Variants in TAFA2 observed in about 807,000 individuals in gnomAD.
TAFA2 encodes the protein chemokine-like protein TAFA-2.
A neutral mutation model predicts 18.8 loss-of-function variants in TAFA2; 7 were observed. The observed-to-expected ratio is 0.37, with a 90% confidence interval of 0.21 to 0.70. TAFA2 has a LOEUF of 0.70. Ranked by LOEUF, TAFA2 falls within the 30% of genes least tolerant of loss-of-function variation. TAFA2 has a pLI of 0.53. For missense variants in TAFA2, 122 were observed against 158.1 expected, an observed-to-expected ratio of 0.77 and a Z score of 1.23; for synonymous variants, 60 against 54.2, an observed-to-expected ratio of 1.11 and a Z score of -0.47.
chr12:61,942,294 C>T (rs1247557509), intron 1 of TAFA2, among the ~76,000 whole-genome samples: 2 of 146,896 alleles, frequency 1.4e-5, no homozygotes, highest in African/African-American at 2.6e-5. Context: ...ACACCGAAAA[C>T]CCATCTGTAC....
At chr12:61,826,997 T>C (rs1872557048) in intron 2 of TAFA2, among the ~76,000 whole-genome samples, 1 of 152,044 alleles carries the variant, frequency 6.6e-6, no homozygotes. Context: ...CCTTCTATAA[T>C]AATAGAACTT....
chr12:62,075,753 T>C (rs563483787), intron 1 of TAFA2, among the ~76,000 whole-genome samples: 2 of 152,314 alleles, frequency 1.3e-5, no homozygotes, highest in Middle Eastern at 3.4e-3. Context: ...TTTTTACTCT[T>C]GCAGACTTAT....
intron 1 of TAFA2, among the ~76,000 whole-genome samples, chr12:62,004,985 C>T (rs764014621): frequency 6.6e-6 from 1 of 151,864 alleles, no homozygotes; most frequent in Non-Finnish European, 1.5e-5. Flanking sequence ...AAGTCAAATA[C>T]ATAAAAACAG....
chr12:61,876,810 A>C (rs971583242), intron 1 of TAFA2, among the ~76,000 whole-genome samples: 1 of 152,048 alleles, frequency 6.6e-6, no homozygotes, highest in African/African-American at 2.4e-5. Context: ...AATCAACTTC[A>C]CTTGAATTCA....
chr12:62,189,484 AAAGT>A (rs1425211744), intron 1 of TAFA2, among the ~76,000 whole-genome samples: 2 of 152,226 alleles, frequency 1.3e-5, no homozygotes, highest in African/African-American at 4.8e-5. Flanking sequence ...AAAACAAAAT[AAAGT>A]AAGGAAAGAG....
chr12:61,720,776 C>T (rs566223658), intron 4 of TAFA2: 191 of 397,090 alleles, frequency 4.8e-4, no homozygotes, highest in South Asian at 2.8e-3. Context: ...CCTTAGAATC[C>T]GACCAACACT....
intron 2 of TAFA2, among the ~76,000 whole-genome samples, chr12:61,777,723 TGAGAAAAATCA>T (rs1870328189): frequency 6.6e-6 from 1 of 151,638 alleles, no homozygotes; most frequent in Admixed American, 6.6e-5. Flanking sequence ...ACTTGTAAAA[TGAGAAAAATCA>T]GAGAAAAATA....
chr12:62,051,265 C>T (rs1262695687), intron 1 of TAFA2, among the ~76,000 whole-genome samples: 4 of 152,186 alleles, frequency 2.6e-5, no homozygotes, highest in African/African-American at 9.6e-5. Flanking sequence ...TACTCCTCCT[C>T]CTCCTGCCTG....
intron 2 of TAFA2, among the ~76,000 whole-genome samples, chr12:61,758,044 A>C (rs535217488): frequency 6.6e-6 from 1 of 152,200 alleles, no homozygotes; most frequent in Admixed American, 6.6e-5. Flanking sequence ...TGAGTCATGT[A>C]TAAAGTGTTT....
intron 1 of TAFA2, among the ~76,000 whole-genome samples, chr12:62,188,990 C>A (rs940704598): frequency 3.3e-5 from 5 of 152,092 alleles, no homozygotes; most frequent in Non-Finnish European, 7.4e-5. Context: ...TAATATTTTT[C>A]TAATGCAATA....
chr12:61,836,756 T>TATATATATATATATATACATATAC (rs68158949), intron 2 of TAFA2, among the ~76,000 whole-genome samples: 68 of 119,826 alleles, frequency 5.7e-4, no homozygotes, highest in South Asian at 2.3e-3. Flanking sequence ...TATATATATA[T>TATATATATATATATATACATATAC]ACACACACAC....
At chr12:61,802,134 A>G (rs781209822) in intron 2 of TAFA2, among the ~76,000 whole-genome samples, 2 of 152,064 alleles carry the variant, frequency 1.3e-5, no homozygotes, top group African/African-American at 2.4e-5. Context: ...AATGTAGAGA[A>G]AGGGAACTCT....
At chr12:61,908,228 T>C (rs1876447971) in intron 1 of TAFA2, among the ~76,000 whole-genome samples, 1 of 152,166 alleles carries the variant, frequency 6.6e-6, no homozygotes, top group Admixed American at 6.5e-5. Flanking sequence ...GAATTATAGC[T>C]TTCATAATTC....
intron 2 of TAFA2, among the ~76,000 whole-genome samples, chr12:61,815,339 A>C (rs1463485623): frequency 1.3e-5 from 2 of 151,476 alleles, no homozygotes; most frequent in Admixed American, 1.3e-4. Flanking sequence ...GTTAAGTTTC[A>C]GATGCCTATT....
At chr12:61,743,818 T>C (rs551569824) in intron 4 of TAFA2, among the ~76,000 whole-genome samples, 13 of 152,198 alleles carry the variant, frequency 8.5e-5, no homozygotes, top group African/African-American at 3.1e-4. Flanking sequence ...ACATAAAACG[T>C]GTGATGGACA....
At chr12:62,060,671 AGC>A (rs1453534303) in intron 1 of TAFA2, among the ~76,000 whole-genome samples, 1 of 152,192 alleles carries the variant, frequency 6.6e-6, no homozygotes, top group Non-Finnish European at 1.5e-5. Flanking sequence ...AGGAGATGGT[AGC>A]TTCATGCGGG....
intron 1 of TAFA2, among the ~76,000 whole-genome samples, chr12:62,139,169 G>A (rs898161391): frequency 5.9e-5 from 9 of 152,034 alleles, no homozygotes; most frequent in Non-Finnish European, 8.8e-5. Context: ...TGTGTTAGGG[G>A]AAAATAAAAT....
At chr12:62,106,661 A>C (rs767138421) in intron 1 of TAFA2, among the ~76,000 whole-genome samples, 2 of 152,232 alleles carry the variant, frequency 1.3e-5, no homozygotes, top group Non-Finnish European at 2.9e-5. Flanking sequence ...GAGTAACAGT[A>C]AACTTTTCTT....
intron 2 of TAFA2, among the ~76,000 whole-genome samples, chr12:61,849,994 G>A (rs1873574996): frequency 6.6e-6 from 1 of 152,112 alleles, no homozygotes; most frequent in African/African-American, 2.4e-5. Flanking sequence ...TGAAATTGCT[G>A]TCATAATTAC....
Sources: gnomAD v4.1 joint callset for allele counts (sites outside exome capture counted in the v4.1 genomes callset) on GRCh38, gnomAD v4.1.1 for gene constraint, MANE v1.5 for transcripts, NCBI Gene and HGNC (gene_info 2026-07-23, HGNC 2026-07-21) for gene names.